The following NCOA4 variants were observed in gnomAD, a reference collection of about 807,000 sequenced individuals.
The protein encoded by NCOA4 is nuclear receptor coactivator 4.
NCOA4 carries 31 observed loss-of-function variants against 69.5 expected under a neutral mutation model. The ratio of observed to expected loss-of-function variants is 0.45; its 90% CI spans 0.34 to 0.60. The LOEUF (loss-of-function observed/expected upper bound fraction) is 0.60, where lower values mean the gene tolerates loss of function less well. Ranked by LOEUF, NCOA4 falls within the 20% of genes least tolerant of loss-of-function variation. The probability of loss-of-function intolerance (pLI) is 0.02; values close to 1 mark genes in which losing one functional copy is unlikely to be tolerated. For missense variants in NCOA4, 600 were observed against 719.2 expected (o/e 0.83, Z 1.90); for synonymous variants, 228 against 252.4 (o/e 0.90, Z 0.92).
intron 1 of NCOA4, among the ~76,000 whole-genome samples, chr10:46,020,287 G>C (rs75901817): frequency 0.026 from 3,919 of 152,294 alleles, 70 homozygotes; most frequent in East Asian, 0.051. Context: ...CTCCAAGCTT[G>C]AGACCCCTGA....
intron 1 of NCOA4, among the ~76,000 whole-genome samples, chr10:46,029,178 G>A (rs1291991847): frequency 1.3e-5 from 2 of 152,056 alleles, no homozygotes; most frequent in East Asian, 3.9e-4. Flanking sequence ...AGGTAATAAT[G>A]TAATTGTAGA....
At chr10:46,027,449 G>A in intron 1 of NCOA4, 1 of 1,551,522 alleles carries the variant, frequency 6.4e-7, no homozygotes, top group Non-Finnish European at 8.7e-7. Flanking sequence ...AGCAAAAGTG[G>A]TCAACTGGGC....
chr10:46,027,455 TG>T, intron 1 of NCOA4: 1 of 1,551,548 alleles, frequency 6.4e-7, no homozygotes, highest in Non-Finnish European at 8.7e-7. Context: ...AGTGGTCAAC[TG>T]GGCCCCCATT....
At chr10:46,023,278 A>G (rs1839989477) in intron 1 of NCOA4, 1 of 985,380 alleles carries the variant, frequency 1.0e-6, no homozygotes, top group South Asian at 4.7e-5. Context: ...CAGCCCTGCA[A>G]GGCTACCGGC....
At chr10:46,010,171 A>ATGAATAAATAAATAAAAC in intron 8 of NCOA4, 52 bp downstream of exon 8, 2 of 1,530,692 alleles carry the variant, frequency 1.3e-6, no homozygotes, top group South Asian at 2.6e-5. Flanking sequence ...CTCAAAATAA[A>ATGAATAAATAAATAAAAC]TGAATAAATA....
Position 46,005,447 on chromosome 10 carries a change from T to G in NCOA4, c.*1145A>C, listed in dbSNP as rs1838757361. On this transcript the variant is annotated 3_prime_UTR_variant, in exon 10 of 10. Coordinates refer to ENST00000581486, the MANE Select transcript of NCOA4 (RefSeq NM_001145263.2). ...TTCCGGTAAGAGGCAGTTAAGAAGC[T>G]TAATAGTTTCAAAGTCTGGAAAGCA... 5 of 220,048 alleles carry G rather than the reference T, an allele frequency of 2.3e-5. No homozygotes were observed. The highest frequency in any genetic ancestry group is 1.8e-5 in the Non-Finnish European group (2 of 109,510). 13.6% of individuals were successfully genotyped at this position (220,048 alleles called of 1,614,324 possible). A position where few individuals can be genotyped will look rare whatever the true frequency, so the allele number is the denominator to read the frequency against.
rs1260062444 is a variant in NCOA4, at chr10:46,006,419, A to C, written c.*173T>G. 3.0e-6 allele frequency: 2 copies of C among 666,748 alleles called. No individual in the cohort carries two copies. Among genetic ancestry groups the C allele is most frequent in the Non-Finnish European group, 5.4e-6 (2 of 373,072 alleles). 41.3% of individuals were successfully genotyped at this position (666,748 alleles called of 1,614,324 possible). ...ATGAATAAACAGCATTTTTCTTTTA[A>C]ACAGTAACTCATAATCTGATGACTC... is the stretch of plus-strand genomic sequence containing the variant. On this transcript the variant is annotated 3_prime_UTR_variant, in exon 10 of 10. Coordinates refer to ENST00000581486, the MANE Select transcript of NCOA4 (RefSeq NM_001145263.2).
At chr10:46,019,767 T>C (rs1294787323) in intron 1 of NCOA4, among the ~76,000 whole-genome samples, 1 of 152,198 alleles carries the variant, frequency 6.6e-6, no homozygotes, top group Non-Finnish European at 1.5e-5. Flanking sequence ...ATTTAAAAGT[T>C]ACAAAACTGA....
At chr10:46,018,098 TA>T (rs782196946) in intron 1 of NCOA4, among the ~76,000 whole-genome samples, 8 of 152,334 alleles carry the variant, frequency 5.3e-5, no homozygotes, top group Non-Finnish European at 1.2e-4. Flanking sequence ...ATAATAAGAT[TA>T]TTTTTTACAA....
intron 9 of NCOA4, chr10:46,009,175 C>A: frequency 6.4e-7 from 1 of 1,551,132 alleles, no homozygotes. Context: ...CTGAAAATTC[C>A]CAACGGTTAC....
intron 2 of NCOA4, 135 bp downstream of exon 2, chr10:46,016,405 G>C (rs1188250974): frequency 2.9e-6 from 2 of 691,114 alleles, no homozygotes; most frequent in Non-Finnish European, 4.3e-6. Context: ...TCAGGCAACT[G>C]ACGGGGACCA....
chr10:46,024,461 C>T (rs1208974440), intron 1 of NCOA4, among the ~76,000 whole-genome samples: 2 of 152,140 alleles, frequency 1.3e-5, no homozygotes, highest in Non-Finnish European at 2.9e-5. Flanking sequence ...CTGACCAACG[C>T]CCCAGCACAG....
rs1363026440 is a variant in NCOA4 at position 46,010,384 on chromosome 10, C to T, written c.1537G>A (p.Gly513Ser). Residue 513 changes from glycine to serine, a missense_variant, in exon 8 of 10, where the codon GGT becomes AGT. Gly to Ser is a moderately conservative substitution (Grantham distance 56, BLOSUM62 0). Transcript: ENST00000581486. ...YKEGSPKEVP[G>S]TEDRAGKQKF... ...TGTTTGCCAGCTCTGTCTTCAGTAC[C>T]AGGCACTTCCTTGGGACTTCCTTCT... is the stretch of plus-strand genomic sequence containing the variant. 8.1e-6 allele frequency: 13 copies of T among 1,613,994 alleles called. No homozygotes were observed. Among genetic ancestry groups the T allele is most frequent in the Non-Finnish European group, 1.1e-5 (13 of 1,180,034 alleles).
rs782213875 is a variant in NCOA4 at position 46,013,636 on chromosome 10, T to C, written c.484A>G (p.Ile162Val). The change falls in exon 6 of 10, where the codon ATT becomes GTT. Residue 162 changes from isoleucine (I) to valine (V), a missense_variant. Physicochemically the swap from Ile to Val is conservative, Grantham distance 29. Coordinates refer to ENST00000581486, the MANE Select transcript of NCOA4 (RefSeq NM_001145263.2). ...TTFGSLKTIQ[I>V]PEHLMAHASS... ...GCATGAGCCATCAAGTGCTCAGGAATTTGCTACAAAATAGAGATAATTTAA... is the reference window on the plus strand; with the variant it reads ...GCATGAGCCATCAAGTGCTCAGGAACTTGCTACAAAATAGAGATAATTTAA... The C allele has an allele frequency of 1.1e-5, 17 of 1,605,838 alleles. No homozygotes were observed. The highest frequency in any genetic ancestry group is 2.2e-5 in the South Asian group (2 of 89,352).
chr10:46,013,046 G>T lies in NCOA4; in HGVS notation c.571-20C>A. ...TGACTTCTGTTAATCACAAAACAAG[G>T]AATGTCAAATGCAGTAGAAAGTTCA... On this transcript the variant is annotated intron_variant, in intron 6 of 9. Transcript: ENST00000581486. The T allele has an allele frequency of 6.2e-7, 1 of 1,612,532 alleles. No homozygotes were observed.
intron 1 of NCOA4, among the ~76,000 whole-genome samples, chr10:46,028,529 C>T (rs1840279244): frequency 6.7e-6 from 1 of 148,278 alleles, no homozygotes; most frequent in Non-Finnish European, 1.5e-5. Context: ...CTATTATCAT[C>T]ACCATTAATT....
At position 46,014,879 on chromosome 10, in the gene NCOA4, T is replaced by G; in HGVS notation, c.346A>C (p.Asn116His). Residue 116 changes from asparagine to histidine, a missense_variant, in exon 4 of 10, where the codon AAT (asparagine) becomes CAT (histidine). Transcript: ENST00000581486. ...LECTQNKDLA[N>H]QVSVCLERLG... The stretch of plus-strand genomic sequence containing the variant: ...CTCTCCAGGCACACAGAGACTTGAT[T>G]GGCTAGATCTTTGTTTTGGGTACAC... The G allele has an allele frequency of 6.2e-7, 1 of 1,614,084 alleles. No individual in the cohort carries two copies. Among genetic ancestry groups the G allele is most frequent in the East Asian group, 2.2e-5 (1 of 44,876 alleles).
rs1451806136 is a variant in NCOA4, at chr10:46,006,440, G to A, written c.*152C>T. 1.8e-5 allele frequency: 14 copies of A among 796,526 alleles called. No homozygotes were observed. In the Admixed American group the frequency reaches 2.5e-4, roughly 14 times the overall value. The allele number at this position is 796,526 out of a possible 1,614,324, so 49.3% of individuals were successfully genotyped here. ...TTTAAACAGTAACTCATAATCTGATGACTCACTTTGCTTTACTAGTTCAAA... is the reference window on the plus strand; with the variant it reads ...TTTAAACAGTAACTCATAATCTGATAACTCACTTTGCTTTACTAGTTCAAA... On this transcript the variant is annotated 3_prime_UTR_variant, in exon 10 of 10. Transcript: ENST00000581486.
rs139624796 is a variant in NCOA4, at chr10:46,010,236, C to T, written c.1685G>A (p.Arg562Gln). 1.4e-4 allele frequency: 232 copies of T among 1,602,248 alleles called. 1 individual carries two copies. The African/African-American group carries it at 2.6e-3, about 18-fold the overall frequency. Reference protein sequence around the residue: ...LSSGEDKWLLRKKAQEVLLNS... With the variant: ...LSSGEDKWLLQKKAQEVLLNS... ...GTTTATGCTCACCTGGGCCTTCTTTCGAAGCAGCCACTTGTCTTCTCCAGA... is the reference window on the plus strand; with the variant it reads ...GTTTATGCTCACCTGGGCCTTCTTTTGAAGCAGCCACTTGTCTTCTCCAGA... Residue 562 changes from arginine (R) to glutamine (Q), a missense_variant, in exon 8 of 10, where the codon CGA becomes CAA. By Grantham distance (43) the Arg-to-Gln change is conservative. Transcript: ENST00000581486.
Sources: allele counts gnomAD v4.1 joint callset (sites outside exome capture counted in the v4.1 genomes callset), GRCh38; gene constraint gnomAD v4.1.1; transcripts MANE v1.5; gene names NCBI Gene and HGNC (gene_info 2026-07-23, HGNC 2026-07-21).